The following CALN1 variants were observed in gnomAD, a reference collection of about 807,000 sequenced individuals.
CALN1 encodes the protein calcium-binding protein 8.
In CALN1, 17 loss-of-function variants were observed where a neutral mutation model predicts 30.6. The observed-to-expected ratio is 0.56, with a 90% CI of 0.38 to 0.83. The LOEUF is 0.83. Among genes scored for constraint, CALN1 ranks in the 40% least tolerant of loss-of-function variants. The pLI is 0.00. For missense variants in CALN1, 291 were observed against 354.9 expected, an observed-to-expected ratio of 0.82 and a Z score of 1.45; for synonymous variants, 156 against 131.4, an observed-to-expected ratio of 1.19 and a Z score of -1.28.
chr7:72,161,804 G>T (rs900851902), intron 3 of CALN1, among the ~76,000 whole-genome samples: 3 of 151,996 alleles, frequency 2.0e-5, no homozygotes, highest in African/African-American at 7.2e-5. Flanking sequence ...GCATCCGGAA[G>T]AATAGCTGAT....
intron 1 of CALN1, among the ~76,000 whole-genome samples, chr7:72,408,675 C>CTCTTT (rs1806879736): frequency 1.3e-5 from 1 of 77,966 alleles, no homozygotes; most frequent in South Asian, 5.6e-4. Context: ...TTATCTTTTC[C>CTCTTT]TTTTTTTTTT....
At chr7:72,223,438 G>C (rs1196462277) in intron 3 of CALN1, among the ~76,000 whole-genome samples, 1 of 152,070 alleles carries the variant, frequency 6.6e-6, no homozygotes, top group Non-Finnish European at 1.5e-5. Flanking sequence ...TTCATTTTTT[G>C]ATGGATATGG....
At chr7:72,410,118 G>C (rs73364986) in intron 1 of CALN1, among the ~76,000 whole-genome samples, 4,314 of 152,230 alleles carry the variant, frequency 0.028, 178 homozygotes, top group African/African-American at 0.097. Context: ...ACGAGTTGCT[G>C]ACAAAAAAGA....
intron 5 of CALN1, among the ~76,000 whole-genome samples, chr7:71,954,854 T>C (rs1027971647): frequency 6.6e-6 from 1 of 152,176 alleles, no homozygotes; most frequent in Admixed American, 6.5e-5. Context: ...TTCAGAGCAG[T>C]GAAGAGGAGT....
intron 3 of CALN1, among the ~76,000 whole-genome samples, chr7:72,256,291 G>A (rs1445858290): frequency 2.0e-5 from 3 of 151,978 alleles, no homozygotes; most frequent in South Asian, 4.2e-4. Context: ...AGACCTCATC[G>A]CTACAAAAAG....
At chr7:72,404,125 T>A (rs1031865760) in intron 1 of CALN1, among the ~76,000 whole-genome samples, 1 of 152,186 alleles carries the variant, frequency 6.6e-6, no homozygotes, top group African/African-American at 2.4e-5. Context: ...ACAACTCAGC[T>A]CAGGTGTCAC....
chr7:72,324,612 T>TCC (rs1801138647), intron 2 of CALN1, among the ~76,000 whole-genome samples: 1 of 151,910 alleles, frequency 6.6e-6, no homozygotes, highest in Non-Finnish European at 1.5e-5. Context: ...AGACAGAGTC[T>TCC]CCCTCTGTTG....
intron 3 of CALN1, among the ~76,000 whole-genome samples, chr7:72,245,165 C>T (rs1049544450): frequency 1.1e-4 from 17 of 152,204 alleles, no homozygotes; most frequent in Non-Finnish European, 2.1e-4. Flanking sequence ...TCCCTCCTCC[C>T]TCTGAACTGT....
At chr7:72,282,416 T>C (rs933170875) in intron 2 of CALN1, among the ~76,000 whole-genome samples, 1 of 152,236 alleles carries the variant, frequency 6.6e-6, no homozygotes, top group South Asian at 2.1e-4. Context: ...ATTCATACAC[T>C]GGAATCTAAG....
chr7:71,850,098 A>C (rs1305649144), intron 5 of CALN1, among the ~76,000 whole-genome samples: 1 of 152,234 alleles, frequency 6.6e-6, no homozygotes, highest in African/African-American at 2.4e-5. Flanking sequence ...TTCTTGTGAA[A>C]GGAAAAAGTA....
intron 5 of CALN1, among the ~76,000 whole-genome samples, chr7:71,844,079 G>A (rs1790098159): frequency 6.6e-6 from 1 of 152,126 alleles, no homozygotes; most frequent in Admixed American, 6.6e-5. Context: ...TGTCACTTTT[G>A]CACAAGGAGC....
chr7:71,921,152 AATG>A (rs1314768417), intron 5 of CALN1, among the ~76,000 whole-genome samples: 1 of 152,220 alleles, frequency 6.6e-6, no homozygotes, highest in Admixed American at 6.5e-5. Context: ...GGAGTTGAAC[AATG>A]AGAACATATG....
chr7:71,878,958 G>A (rs1008469701), intron 5 of CALN1, among the ~76,000 whole-genome samples: 2 of 152,148 alleles, frequency 1.3e-5, no homozygotes, highest in Non-Finnish European at 2.9e-5. Flanking sequence ...TGGGGTGCTG[G>A]GACAGTGACT....
At chr7:72,272,779 C>A (rs1206335137) in intron 3 of CALN1, among the ~76,000 whole-genome samples, 5 of 152,088 alleles carry the variant, frequency 3.3e-5, no homozygotes, top group African/African-American at 1.2e-4. Context: ...CCACTGTTTT[C>A]CATGGGAATC....
chr7:72,212,267 T>C (rs1792460704), intron 3 of CALN1, among the ~76,000 whole-genome samples: 1 of 147,912 alleles, frequency 6.8e-6, no homozygotes, highest in Non-Finnish European at 1.5e-5. Context: ...GGGAATTGCC[T>C]GAACCCACGA....
intron 2 of CALN1, among the ~76,000 whole-genome samples, chr7:72,292,055 A>C (rs1798519601): frequency 6.6e-6 from 1 of 151,990 alleles, no homozygotes; most frequent in South Asian, 2.1e-4. Context: ...ACAAACATTT[A>C]GTCCATGAAT....
intron 6 of CALN1, among the ~76,000 whole-genome samples, chr7:71,802,361 G>A (rs1787359642): frequency 6.6e-6 from 1 of 152,186 alleles, no homozygotes. Context: ...GTGGAACTGA[G>A]GCAAAACATC....
chr7:72,168,318 G>A (rs2129545277), intron 3 of CALN1, among the ~76,000 whole-genome samples: 1 of 152,118 alleles, frequency 6.6e-6, no homozygotes, highest in African/African-American at 2.4e-5. Flanking sequence ...ATAATCTGTA[G>A]GGTGGAGAAT....
intron 2 of CALN1, among the ~76,000 whole-genome samples, chr7:72,393,593 T>G (rs1473092754): frequency 6.6e-6 from 1 of 152,166 alleles, no homozygotes; most frequent in Non-Finnish European, 1.5e-5. Context: ...ACTCTGTTGA[T>G]CATCAGATGT....
Sources: allele counts gnomAD v4.1 joint callset (sites outside exome capture counted in the v4.1 genomes callset), GRCh38; gene constraint gnomAD v4.1.1; transcripts MANE v1.5; gene names NCBI Gene and HGNC (gene_info 2026-07-23, HGNC 2026-07-21).